The following SGPP1 variants were observed in gnomAD, a reference collection of about 807,000 sequenced individuals.
The protein encoded by SGPP1 is sphingosine-1-phosphate phosphatase 1.
Under a neutral mutation model 33.0 loss-of-function variants are expected in SGPP1, and 21 were observed. That is an observed-to-expected ratio of 0.64 (90% CI 0.45 to 0.92). The LOEUF is 0.92. SGPP1 is among the 40% of genes least tolerant of loss of function. The probability of loss-of-function intolerance (pLI) is 0.00; values close to 1 mark genes in which losing one functional copy is unlikely to be tolerated. For synonymous variants in SGPP1, 239 were observed against 241.2 expected, an observed-to-expected ratio of 0.99 and a Z score of 0.08; for missense variants, 543 against 589.4, an observed-to-expected ratio of 0.92 and a Z score of 0.81.
chr14:63,717,365 A>G (rs1456403681), intron 1 of SGPP1, among the ~76,000 whole-genome samples: 2 of 147,560 alleles, frequency 1.4e-5, no homozygotes, highest in Non-Finnish European at 3.0e-5. Context: ...CTCACGCTGG[A>G]GTGCTGTGGC....
intron 1 of SGPP1, among the ~76,000 whole-genome samples, chr14:63,716,726 C>T (rs961090636): frequency 4.0e-5 from 6 of 151,108 alleles, no homozygotes; most frequent in Non-Finnish European, 7.4e-5. Flanking sequence ...TAGAGTCTCA[C>T]GCTGTCACCC....
intron 1 of SGPP1, among the ~76,000 whole-genome samples, chr14:63,724,849 T>C (rs1595075036): frequency 6.7e-6 from 1 of 148,422 alleles, no homozygotes; most frequent in Non-Finnish European, 1.5e-5. Context: ...GCCACAGCAC[T>C]CCAGCCTGGG....
chr14:63,692,542 T>C (rs1885110071), intron 2 of SGPP1, among the ~76,000 whole-genome samples: 1 of 152,006 alleles, frequency 6.6e-6, no homozygotes. Flanking sequence ...CTCAACCCCC[T>C]GGGCTCAATT....
At chr14:63,688,315 CAAAA>C (rs71120275) in intron 2 of SGPP1, among the ~76,000 whole-genome samples, 52 of 31,424 alleles carry the variant, frequency 1.7e-3, no homozygotes, top group African/African-American at 4.8e-3. Context: ...GACTCTGTCT[CAAAA>C]AAAAAAAAAA....
intron 1 of SGPP1, among the ~76,000 whole-genome samples, chr14:63,720,486 C>T (rs978162184): frequency 6.8e-6 from 1 of 146,544 alleles, no homozygotes; most frequent in Non-Finnish European, 1.5e-5. Context: ...AGGCCGGGTG[C>T]GGTGGCTCAT....
chr14:63,688,396 G>C (rs1310599090), intron 2 of SGPP1, among the ~76,000 whole-genome samples: 2 of 150,504 alleles, frequency 1.3e-5, no homozygotes, highest in African/African-American at 4.9e-5. Context: ...GTGAGAAACA[G>C]CAAGAAGAAA....
chr14:63,724,275 G>C (rs1358571111), intron 1 of SGPP1, among the ~76,000 whole-genome samples: 1 of 152,052 alleles, frequency 6.6e-6, no homozygotes, highest in African/African-American at 2.4e-5. Flanking sequence ...ATTTCAATGA[G>C]GGCAGAAACA....
intron 1 of SGPP1, among the ~76,000 whole-genome samples, chr14:63,707,386 C>T (rs1885437095): frequency 6.6e-6 from 1 of 152,100 alleles, no homozygotes; most frequent in Non-Finnish European, 1.5e-5. Context: ...AGTAGGGCTA[C>T]ATGTTATAGC....
chr14:63,706,286 G>A (rs1286803460), intron 1 of SGPP1, among the ~76,000 whole-genome samples: 1 of 152,156 alleles, frequency 6.6e-6, no homozygotes, highest in Non-Finnish European at 1.5e-5. Flanking sequence ...GAGAAACGGG[G>A]AGCCAAATGC....
rs115953424 is a variant in SGPP1 at position 63,687,134 on chromosome 14, T to C, written c.775-478A>G. Among the ~76,000 whole-genome samples, 1,256 of 152,272 alleles carry C rather than the reference T, an allele frequency of 8.2e-3. 11 individuals are homozygous for C. Among genetic ancestry groups the C allele is most frequent in the African/African-American group, 0.028 (1,167 of 41,568 alleles). ...CCCTATTTTAGGGGTTGAGGATACA[T>C]TGCTTTAAAAAATGACAAGAATGTG... On this transcript the variant is annotated intron_variant, in intron 2 of 2. Transcript: ENST00000247225.
intron 2 of SGPP1, among the ~76,000 whole-genome samples, chr14:63,690,395 G>A (rs572534121): frequency 2.6e-5 from 4 of 152,172 alleles, no homozygotes; most frequent in Non-Finnish European, 5.9e-5. Context: ...GACAGGGTCC[G>A]CAGTTGCAGT....
rs1885899337 is a variant in SGPP1, at chr14:63,727,189, A to T, written c.684+72T>A. 1.9e-5 allele frequency: 29 copies of T among 1,494,238 alleles called. No individual in the cohort carries two copies. The South Asian group carries it at 4.0e-4, about 21-fold the overall frequency. The allele number at this position is 1,494,238 out of a possible 1,614,324, so 92.6% of individuals were successfully genotyped here. A position where few individuals can be genotyped will look rare whatever the true frequency, so the allele number is the denominator to read the frequency against. Reference sequence around the variant, plus strand: ...GGAGGGGAACGGTCGAATTAAAATAAATGCAGAGAGCAAAGAGAACTCCGA... The same window carrying T: ...GGAGGGGAACGGTCGAATTAAAATATATGCAGAGAGCAAAGAGAACTCCGA... On this transcript the variant is annotated intron_variant, in intron 1 of 2. Transcript: ENST00000247225.
At chr14:63,703,998 TA>T (rs1335861920) in intron 1 of SGPP1, among the ~76,000 whole-genome samples, 1 of 151,784 alleles carries the variant, frequency 6.6e-6, no homozygotes, top group Non-Finnish European at 1.5e-5. Flanking sequence ...GCTAATTTTT[TA>T]ATGTTTTATA....
At chr14:63,714,167 G>A (rs994538765) in intron 1 of SGPP1, among the ~76,000 whole-genome samples, 12 of 152,208 alleles carry the variant, frequency 7.9e-5, no homozygotes, top group Non-Finnish European at 1.8e-4. Context: ...GGTTCACAAG[G>A]TAAAAATGTA....
chr14:63,703,375 C>G (rs1438604802), intron 1 of SGPP1, among the ~76,000 whole-genome samples: 2 of 152,010 alleles, frequency 1.3e-5, no homozygotes, highest in Admixed American at 1.3e-4. Flanking sequence ...CTAATTAAGG[C>G]CAGGCACAGT....
chr14:63,725,308 A>G (rs1358852140), intron 1 of SGPP1, among the ~76,000 whole-genome samples: 1 of 152,156 alleles, frequency 6.6e-6, no homozygotes, highest in African/African-American at 2.4e-5. Flanking sequence ...TGGGAGGCAG[A>G]GGTTGCAGTG....
chr14:63,688,954 C>G (rs1885039642), intron 2 of SGPP1, among the ~76,000 whole-genome samples: 2 of 152,168 alleles, frequency 1.3e-5, no homozygotes, highest in Non-Finnish European at 2.9e-5. Context: ...ATCTCCTGAC[C>G]TCGTGATCCT....
At chr14:63,724,962 G>A (rs1426298611) in intron 1 of SGPP1, among the ~76,000 whole-genome samples, 11 of 151,406 alleles carry the variant, frequency 7.3e-5, no homozygotes, top group Admixed American at 7.2e-4. Context: ...GACCAGCCTA[G>A]GCAATATAGT....
chr14:63,726,574 TA>T (rs2139658680), intron 1 of SGPP1, among the ~76,000 whole-genome samples: 1 of 152,326 alleles, frequency 6.6e-6, no homozygotes, highest in Non-Finnish European at 1.5e-5. Flanking sequence ...TTTTTAGAGT[TA>T]ATGAGGCAAT....
Sources: gnomAD v4.1 joint callset for allele counts (sites outside exome capture counted in the v4.1 genomes callset) on GRCh38, gnomAD v4.1.1 for gene constraint, MANE v1.5 for transcripts, NCBI Gene and HGNC (gene_info 2026-07-23, HGNC 2026-07-21) for gene names.